PHACTR4: variants seen among roughly 807,000 people sequenced by gnomAD.
PHACTR4 encodes protein phosphatase 1, regulatory subunit 124.
PHACTR4 carries 51 observed loss-of-function variants against 72.7 expected under a neutral mutation model. The ratio of observed to expected loss-of-function variants is 0.70; its 90% CI spans 0.56 to 0.89. The LOEUF is 0.89. Ranked by LOEUF, PHACTR4 falls within the 40% of genes least tolerant of loss-of-function variation. The pLI, the probability that PHACTR4 is intolerant of heterozygous loss-of-function variation, is 0.00. For synonymous variants in PHACTR4, 255 were observed against 302.5 expected, an observed-to-expected ratio of 0.84 and a Z score of 1.63; for missense variants, 731 against 861.8, an observed-to-expected ratio of 0.85 and a Z score of 1.90.
chr1:28,457,977 C>A, intron 2 of PHACTR4: 2 of 529,078 alleles, frequency 3.8e-6, no homozygotes, highest in Non-Finnish European at 4.8e-6. Flanking sequence ...CTTTCTCTGC[C>A]ATTAAAACTA....
intron 1 of PHACTR4, among the ~76,000 whole-genome samples, chr1:28,380,865 T>C (rs868542916): frequency 6.6e-6 from 1 of 152,120 alleles, no homozygotes; most frequent in Non-Finnish European, 1.5e-5. Context: ...TAACCAGTAA[T>C]GGGATTTCTG....
chr1:28,482,672 C>T (rs1660351979), intron 9 of PHACTR4, among the ~76,000 whole-genome samples: 1 of 152,096 alleles, frequency 6.6e-6, no homozygotes, highest in African/African-American at 2.4e-5. Flanking sequence ...AGGTGGCTCA[C>T]ACCTATAATC....
rs1227127504 is a variant in PHACTR4 at position 28,480,436 on chromosome 1, TCCCCG to T, written c.1607-14_1607-10del. ...AGCCTCAAGTTCTACATTTTTTTCT[TCCCCG>T]TGTGCAAAGGTGCTCTCGCCAACAA... On this transcript the variant is annotated splice_polypyrimidine_tract_variant and intron_variant, in intron 8 of 13. Transcript: ENST00000373839. 3 of 1,612,986 alleles carry T rather than the reference TCCCCG, an allele frequency of 1.9e-6. No individual in the cohort carries two copies. Among genetic ancestry groups the T allele is most frequent in the Admixed American group, 1.7e-5 (1 of 59,900 alleles).
chr1:28,381,907 G>A (rs1226540237), intron 1 of PHACTR4, among the ~76,000 whole-genome samples: 1 of 151,920 alleles, frequency 6.6e-6, no homozygotes, highest in African/African-American at 2.4e-5. Context: ...TGAGTAGCTG[G>A]GATGACTACA....
intron 2 of PHACTR4, among the ~76,000 whole-genome samples, chr1:28,448,698 C>G (rs1657676257): frequency 8.2e-6 from 1 of 121,302 alleles, no homozygotes. Context: ...GGAGGTGGAG[C>G]TTGCAGTGAG....
At chr1:28,492,047 A>AT (rs1277794839) in intron 12 of PHACTR4, among the ~76,000 whole-genome samples, 5 of 152,230 alleles carry the variant, frequency 3.3e-5, no homozygotes, top group African/African-American at 1.2e-4. Flanking sequence ...ACTGGAAGGA[A>AT]TAAATACATT....
At chr1:28,378,500 C>G (rs988575092) in intron 1 of PHACTR4, among the ~76,000 whole-genome samples, 1 of 150,466 alleles carries the variant, frequency 6.6e-6, no homozygotes, top group Admixed American at 6.7e-5. Context: ...GAGACTTCAT[C>G]TCAAAAAAAA....
intron 1 of PHACTR4, among the ~76,000 whole-genome samples, chr1:28,392,218 C>A (rs1261903810): frequency 6.6e-6 from 1 of 152,064 alleles, no homozygotes; most frequent in Non-Finnish European, 1.5e-5. Context: ...TGTCATGAAT[C>A]ATCTCTTTGC....
intron 2 of PHACTR4, among the ~76,000 whole-genome samples, chr1:28,437,419 A>G (rs1027652444): frequency 6.6e-6 from 1 of 152,100 alleles, no homozygotes; most frequent in South Asian, 2.1e-4. Context: ...TTATAGAGAC[A>G]GAGTCTCATT....
At position 28,466,537 on chromosome 1, in the gene PHACTR4, TTCA is replaced by T. The variant is rs952228178; in HGVS notation, c.598_600del (p.Ile200del). The T allele has an allele frequency of 3.8e-5, 62 of 1,613,716 alleles. No homozygotes were observed. The highest frequency in any genetic ancestry group is 4.9e-5 in the Non-Finnish European group (58 of 1,179,954). On this transcript the variant is annotated inframe_deletion, in exon 6 of 14. Coordinates refer to ENST00000373839, the MANE Select transcript of PHACTR4 (RefSeq NM_001048183.3). ...CACTTCCTCTGGCGGCACGGCAAGGTTCATCATCTCCACCTCCATCACCACAGC... is the reference window on the plus strand; with the variant it reads ...CACTTCCTCTGGCGGCACGGCAAGGTTCATCTCCACCTCCATCACCACAGC...
chr1:28,485,202 G>A (rs1016986204), intron 9 of PHACTR4, among the ~76,000 whole-genome samples: 2 of 152,114 alleles, frequency 1.3e-5, no homozygotes, highest in African/African-American at 4.8e-5. Context: ...TTGAAGGCAG[G>A]GGTGATAGGG....
intron 1 of PHACTR4, among the ~76,000 whole-genome samples, chr1:28,373,762 G>A (rs1370725303): frequency 6.6e-6 from 1 of 152,120 alleles, no homozygotes; most frequent in African/African-American, 2.4e-5. Flanking sequence ...AATACACATT[G>A]TGTCATTTAA....
chr1:28,428,750 T>A (rs1420079051), intron 2 of PHACTR4, among the ~76,000 whole-genome samples: 1 of 152,208 alleles, frequency 6.6e-6, no homozygotes, highest in Non-Finnish European at 1.5e-5. Context: ...GGTTCATTTA[T>A]ATAGAGAATC....
At chr1:28,400,997 C>A (rs1232143425) in intron 1 of PHACTR4, among the ~76,000 whole-genome samples, 1 of 152,156 alleles carries the variant, frequency 6.6e-6, no homozygotes, top group African/African-American at 2.4e-5. Flanking sequence ...GTCTGGAGTT[C>A]TGGTTTTTTC....
At chr1:28,456,946 GATAA>G (rs559674749) in intron 2 of PHACTR4, among the ~76,000 whole-genome samples, 1 of 134,552 alleles carries the variant, frequency 7.4e-6, no homozygotes, top group Admixed American at 7.6e-5. Context: ...TAGATAGATA[GATAA>G]TCAGATTCTA....
chr1:28,383,247 A>C (rs1373700065), intron 1 of PHACTR4, among the ~76,000 whole-genome samples: 1 of 151,924 alleles, frequency 6.6e-6, no homozygotes, highest in East Asian at 1.9e-4. Flanking sequence ...ACCATGCTGT[A>C]TTGGTTACTG....
intron 1 of PHACTR4, among the ~76,000 whole-genome samples, chr1:28,402,861 A>G (rs1284391679): frequency 6.6e-6 from 1 of 152,186 alleles, no homozygotes; most frequent in Non-Finnish European, 1.5e-5. Context: ...ACAAACCAGG[A>G]TCATCCCCTA....
chr1:28,480,732 C>T (rs1430723799), intron 9 of PHACTR4, 128 bp downstream of exon 9: 7 of 1,280,700 alleles, frequency 5.5e-6, no homozygotes, highest in Non-Finnish European at 7.7e-6. Context: ...GCTCTGTCAC[C>T]CAGGCTGGAG....
At position 28,465,683 on chromosome 1, in the gene PHACTR4, AG is replaced by A. The variant is rs1185432432; in HGVS notation, c.272del. On this transcript the variant is annotated splice_acceptor_variant, in intron 4 of 13. Coordinates refer to ENST00000373839, the MANE Select transcript of PHACTR4 (RefSeq NM_001048183.3). LOFTEE classifies it high-confidence loss of function. ...ACTTTGTACTCTTCTTTCACCTTGC[AG>A]GTGGTGAGGATCCAGGAAAGCCAAG... 1 of 1,611,418 alleles carries A rather than the reference AG, an allele frequency of 6.2e-7. No homozygotes were observed. The highest frequency in any genetic ancestry group is 8.5e-7 in the Non-Finnish European group (1 of 1,179,198).
Sources: gnomAD v4.1 joint callset for allele counts (sites outside exome capture counted in the v4.1 genomes callset) on GRCh38, gnomAD v4.1.1 for gene constraint, MANE v1.5 for transcripts, NCBI Gene and HGNC (gene_info 2026-07-23, HGNC 2026-07-21) for gene names.